Variants in ANAPC1 observed in about 807,000 individuals in gnomAD.
ANAPC1 encodes anaphase promoting complex subunit 1, also known as anaphase-promoting complex subunit 1.
A neutral mutation model predicts 208.0 loss-of-function variants in ANAPC1; 36 were observed. That is an observed-to-expected ratio of 0.17 (90% CI 0.13 to 0.23). The LOEUF (loss-of-function observed/expected upper bound fraction) is 0.23. ANAPC1 is among the 10% of genes least tolerant of loss of function. The pLI is 1.00. For missense variants in ANAPC1, 942 were observed against 2,011.6 expected (o/e 0.47, Z 10.17); for synonymous variants, 378 against 695.2 (o/e 0.54, Z 7.18).
chr2:111,856,971 A>T (rs956362458), intron 11 of ANAPC1, 85 bp from the exon 12 acceptor site: 2 of 1,076,852 alleles, frequency 1.9e-6, no homozygotes, highest in Non-Finnish European at 2.7e-6. Context: ...GAAAAAGACA[A>T]TCTCAGAAGT....
chr2:111,835,037 A>G (rs1295461467), intron 18 of ANAPC1, among the ~76,000 whole-genome samples, 165 bp from the exon 19 acceptor site: 2 of 152,200 alleles, frequency 1.3e-5, no homozygotes, highest in Non-Finnish European at 1.5e-5. Context: ...GTAACTATAA[A>G]ATAGCAAGCC....
intron 21 of ANAPC1, among the ~76,000 whole-genome samples, chr2:111,828,581 T>G (rs1679960340): frequency 6.6e-6 from 1 of 152,204 alleles, no homozygotes. Context: ...TTGTGGTATA[T>G]CCATACAATG....
At chr2:111,824,458 G>A (rs902633970) in intron 24 of ANAPC1, among the ~76,000 whole-genome samples, 10 of 151,942 alleles carry the variant, frequency 6.6e-5, no homozygotes, top group African/African-American at 2.2e-4. Flanking sequence ...TTAAAACCTA[G>A]GAGCATAGGT....
rs541019683 is a variant in ANAPC1, at chr2:111,870,032, C to T, written c.612-1936G>A. 2.5e-4 allele frequency among the ~76,000 whole-genome samples: 38 copies of T among 152,334 alleles called. 1 individual carries two copies. The highest frequency in any genetic ancestry group is 6.8e-3 in the Middle Eastern group (2 of 294). ...ATGGCCTCCAGTTCCATCCAGCTTG[C>T]TGCAAAAGACATTATTTCATTTCCT... is the stretch of plus-strand genomic sequence containing the variant. On this transcript the variant is annotated intron_variant, in intron 6 of 47. Coordinates refer to ENST00000341068, the MANE Select transcript of ANAPC1 (RefSeq NM_022662.4).
At chr2:111,836,911 T>C (rs1227822062) in intron 18 of ANAPC1, among the ~76,000 whole-genome samples, 2 of 150,578 alleles carry the variant, frequency 1.3e-5, no homozygotes, top group Admixed American at 1.3e-4. Flanking sequence ...GAGGTTGCAG[T>C]GAGCCAAGAT....
rs1393116593 is a variant in ANAPC1, at chr2:111,799,192, T to A, written c.4296+1605A>T. Among the ~76,000 whole-genome samples the A allele has an allele frequency of 2.0e-5, 3 of 152,222 alleles. No homozygotes were observed. In the East Asian group the frequency reaches 5.8e-4, roughly 29 times the overall value. ...GATAGATGGAGGACCAATAAACCAA[T>A]GAAAAAGTTCTCAACATTAACAGTC... On this transcript the variant is annotated intron_variant, in intron 34 of 47. Coordinates refer to ENST00000341068, the MANE Select transcript of ANAPC1 (RefSeq NM_022662.4).
chr2:111,882,998 T>G (rs1367286424), intron 1 of ANAPC1, among the ~76,000 whole-genome samples: 1 of 151,192 alleles, frequency 6.6e-6, no homozygotes, highest in Non-Finnish European at 1.5e-5. Flanking sequence ...AAACCCCATC[T>G]CTACTAAAAA....
chr2:111,870,867 A>G (rs527855463), intron 6 of ANAPC1, among the ~76,000 whole-genome samples: 1 of 152,306 alleles, frequency 6.6e-6, no homozygotes, highest in East Asian at 1.9e-4. Flanking sequence ...ACTTTTGTAT[A>G]AGGTGAGAGA....
intron 29 of ANAPC1, among the ~76,000 whole-genome samples, chr2:111,808,205 T>TATCA (rs1474543154): frequency 5.9e-5 from 9 of 151,946 alleles, no homozygotes; most frequent in Non-Finnish European, 1.2e-4. Context: ...AGCATCACTG[T>TATCA]GGCAATAGCT....
At chr2:111,824,354 A>G (rs943665529) in intron 24 of ANAPC1, among the ~76,000 whole-genome samples, 20 of 151,966 alleles carry the variant, frequency 1.3e-4, no homozygotes, top group Non-Finnish European at 1.8e-4. Context: ...TACATCCCAT[A>G]TAACATCCTC....
chr2:111,864,465 T>C (rs917345540), intron 8 of ANAPC1, among the ~76,000 whole-genome samples: 11 of 129,274 alleles, frequency 8.5e-5, no homozygotes, highest in Non-Finnish European at 1.8e-4. Context: ...TATATATACT[T>C]TTTTTTTTTT....
chr2:111,825,632 G>A, intron 22 of ANAPC1, 145 bp downstream of exon 22: 1 of 741,106 alleles, frequency 1.3e-6, no homozygotes, highest in Non-Finnish European at 2.1e-6. Flanking sequence ...ATTAGTTGTG[G>A]ACAAAAGACC....
At chr2:111,878,232 T>C (rs1474504614) in intron 3 of ANAPC1, among the ~76,000 whole-genome samples, 1 of 152,248 alleles carries the variant, frequency 6.6e-6, no homozygotes, top group Admixed American at 6.5e-5. Context: ...ATATTCTAAT[T>C]CTACAATTCC....
At chr2:111,877,471 C>A (rs1376030963) in intron 3 of ANAPC1, among the ~76,000 whole-genome samples, 1 of 152,102 alleles carries the variant, frequency 6.6e-6, no homozygotes, top group Non-Finnish European at 1.5e-5. Flanking sequence ...TCCCCATCAG[C>A]CAGTTTTAAT....
rs1167436708 is a variant in ANAPC1 at position 111,815,148 on chromosome 2, A to AAG, written c.3597+221_3597+222insCT. On this transcript the variant is annotated intron_variant, in intron 28 of 47. Transcript: ENST00000341068. Reference sequence around the variant, plus strand: ...AATTCTACTCTGCCTTACTCAAGGAAAAAAAAAAAAAAAAAAAAGCAATGG... The same window carrying AAG: ...AATTCTACTCTGCCTTACTCAAGGAAAGAAAAAAAAAAAAAAAAAAGCAATGG... Among the ~76,000 whole-genome samples, 54 of 137,512 alleles carry AAG rather than the reference A, an allele frequency of 3.9e-4. 2 individuals are homozygous for AAG. The South Asian group carries it at 1.0e-2, about 25-fold the overall frequency. The allele number at this position is 137,512 out of a possible 152,430, so 90.2% of individuals were successfully genotyped here. A position where few individuals can be genotyped will look rare whatever the true frequency, so the allele number is the denominator to read the frequency against.
At position 111,879,746 on chromosome 2, in the gene ANAPC1, C is replaced by T. The variant is rs964798498; in HGVS notation, c.214-775G>A. 7.9e-5 allele frequency among the ~76,000 whole-genome samples: 12 copies of T among 152,164 alleles called. 1 individual carries two copies. Among genetic ancestry groups the T allele is most frequent in the African/African-American group, 2.9e-4 (12 of 41,526 alleles). On this transcript the variant is annotated intron_variant, in intron 2 of 47. Transcript: ENST00000341068. Reference sequence around the variant, plus strand: ...AATTAGCTGGGCGTGGTGGCACATGCCTGTAATCTCAGCTACTCGGGAGGC... The same window carrying T: ...AATTAGCTGGGCGTGGTGGCACATGTCTGTAATCTCAGCTACTCGGGAGGC...
chr2:111,810,307 G>GGGGGT, intron 28 of ANAPC1, among the ~76,000 whole-genome samples: 1 of 149,306 alleles, frequency 6.7e-6, no homozygotes, highest in South Asian at 2.2e-4. Flanking sequence ...GAAGGTGGGG[G>GGGGGT]GGGGTGAGGT....
intron 28 of ANAPC1, among the ~76,000 whole-genome samples, chr2:111,810,367 G>A (rs986193763): frequency 2.6e-5 from 4 of 152,018 alleles, no homozygotes; most frequent in Non-Finnish European, 4.4e-5. Flanking sequence ...TTTATGGGGT[G>A]AAAAGATGTT....
chr2:111,878,310 C>G (rs1350968088), intron 3 of ANAPC1, among the ~76,000 whole-genome samples: 1 of 152,228 alleles, frequency 6.6e-6, no homozygotes, highest in Non-Finnish European at 1.5e-5. Flanking sequence ...AGATGAACTG[C>G]ATGTCTTCCT....
Sources: gnomAD v4.1 joint callset for allele counts (sites outside exome capture counted in the v4.1 genomes callset) on GRCh38, gnomAD v4.1.1 for gene constraint, MANE v1.5 for transcripts, NCBI Gene and HGNC (gene_info 2026-07-23, HGNC 2026-07-21) for gene names.